The following LYPD3 variants were observed in gnomAD, a reference collection of about 807,000 sequenced individuals.
LYPD3 encodes ly6/PLAUR domain-containing protein 3.
A neutral mutation model predicts 21.7 loss-of-function variants in LYPD3; 22 were observed. The ratio of observed to expected loss-of-function variants is 1.01; its 90% CI spans 0.72 to 1.45. LYPD3 has a LOEUF of 1.45. Ranked by LOEUF, LYPD3 falls within the 40% of genes most tolerant of loss-of-function variation. LYPD3 has a pLI of 0.00. For synonymous variants in LYPD3, 179 were observed against 203.0 expected (o/e 0.88, Z 1.00); for missense variants, 471 against 466.9 (o/e 1.01, Z -0.08).
At chr19:43,462,417 T>C (rs1970783318) in intron 4 of LYPD3, among the ~76,000 whole-genome samples, 1 of 152,158 alleles carries the variant, frequency 6.6e-6, no homozygotes, top group East Asian at 1.9e-4. Context: ...ATCCCAGCAC[T>C]CTGGGAGACC....
chr19:43,461,151 A>G lies in LYPD3; in HGVS notation c.*200T>C, dbSNP rs896477772. 4 of 622,752 alleles carry G rather than the reference A, an allele frequency of 6.4e-6. No homozygotes were observed. In the African/African-American group the frequency reaches 7.4e-5, roughly 11 times the overall value. The allele number at this position is 622,752 out of a possible 1,614,324, so 38.6% of individuals were successfully genotyped here. On this transcript the variant is annotated 3_prime_UTR_variant, in exon 5 of 5. Coordinates refer to ENST00000244333, the MANE Select transcript of LYPD3 (RefSeq NM_014400.3). ...CAGGAGCTGTCCTCAAAAAGCTAGA[A>G]CACCCCTGGCAGAATATATACAACG...
Position 43,463,158 on chromosome 19 carries a change from C to A in LYPD3, c.512G>T (p.Gly171Val). Reference sequence around the variant, plus strand: ...CAAGGTGACGTTGCCGTCGAAGCAGCCCTTGTAGACATGATCGCTGGCGTT... The same window carrying A: ...CAAGGTGACGTTGCCGTCGAAGCAGACCTTGTAGACATGATCGCTGGCGTT... ...CYNASDHVYK[G>V]CFDGNVTLTA... Residue 171 changes from glycine to valine, a missense_variant, in exon 4 of 5, where the codon GGC becomes GTC. Gly to Val is a moderately radical substitution (Grantham distance 109, BLOSUM62 -3). Coordinates refer to ENST00000244333, the MANE Select transcript of LYPD3 (RefSeq NM_014400.3). The A allele has an allele frequency of 6.2e-7, 1 of 1,612,322 alleles. No homozygotes were observed. The highest frequency in any genetic ancestry group is 8.5e-7 in the Non-Finnish European group (1 of 1,180,022).
chr19:43,464,502 G>C lies in LYPD3; in HGVS notation c.80-46C>G, dbSNP rs561161919. Reference sequence around the variant, plus strand: ...AGACCTGAGCCCTCCTTGCTAAAGCGTCCACCCCCAAGGAGAAATAGTCCT... The same window carrying C: ...AGACCTGAGCCCTCCTTGCTAAAGCCTCCACCCCCAAGGAGAAATAGTCCT... On this transcript the variant is annotated intron_variant, in intron 1 of 4. Transcript: ENST00000244333. The C allele has an allele frequency of 6.8e-5, 109 of 1,611,834 alleles. 5 individuals are homozygous for C. In the South Asian group the frequency reaches 1.2e-3, roughly 17 times the overall value.
chr19:43,463,857 G>T (rs967437331), intron 2 of LYPD3, 88 bp from the exon 3 acceptor site: 13 of 1,328,706 alleles, frequency 9.8e-6, no homozygotes, highest in Non-Finnish European at 1.1e-6. Context: ...GGGAGGGGCG[G>T]GGCCTCAAAT....
At chr19:43,464,926 C>CTTTTTTTT (rs768875729) in intron 1 of LYPD3, among the ~76,000 whole-genome samples, 23 of 97,244 alleles carry the variant, frequency 2.4e-4, no homozygotes, top group South Asian at 6.9e-4. Context: ...TTCTTTTTTT[C>CTTTTTTTT]TTTTTTTCTT....
intron 1 of LYPD3, 32 bp from the exon 2 acceptor site, chr19:43,464,488 C>G: frequency 6.2e-7 from 1 of 1,613,352 alleles, no homozygotes; most frequent in South Asian, 1.1e-5. Flanking sequence ...GACCTGAGCC[C>G]TCCTTGCTAA....
rs374098928 is a variant in LYPD3 at position 43,461,651 on chromosome 19, C to T, written c.741G>A (p.Thr247=). 5.6e-6 allele frequency: 9 copies of T among 1,613,918 alleles called. No homozygotes were observed. Among genetic ancestry groups the T allele is most frequent in the African/African-American group, 1.3e-5 (1 of 74,880 alleles). The stretch of plus-strand genomic sequence containing the variant: ...TGACAGATGTGGTTGAGGCCACAGT[C>T]GTGGGCTCTGGAGGGGGCAGCCGGA... ...PLVRLPPPEP[T]TVASTTSVTT... is the part of the protein sequence containing the mutation. The change falls in exon 5 of 5, where the codon ACG becomes ACA. Residue 247 remains threonine (T), a synonymous_variant. Coordinates refer to ENST00000244333, the MANE Select transcript of LYPD3 (RefSeq NM_014400.3).
intron 1 of LYPD3, among the ~76,000 whole-genome samples, chr19:43,464,924 TTCTTTTTTTC>T: frequency 1.0e-5 from 1 of 98,132 alleles, no homozygotes; most frequent in Non-Finnish European, 1.9e-5. Context: ...TTTTCTTTTT[TTCTTTTTTTC>T]TTTTTTTTTT....
rs1287322028 is a variant in LYPD3 at position 43,463,424 on chromosome 19, A to G, written c.383-137T>C. On this transcript the variant is annotated intron_variant, in intron 3 of 4. Transcript: ENST00000244333. Reference sequence around the variant, plus strand: ...ACTAGTAGCCCCGCCCCAGCGCGCAACCTCGCGGCGCCTACAGCCAGAAAG... The same window carrying G: ...ACTAGTAGCCCCGCCCCAGCGCGCAGCCTCGCGGCGCCTACAGCCAGAAAG... 2.9e-6 allele frequency: 4 copies of G among 1,369,142 alleles called. No individual in the cohort carries two copies. In the Admixed American group the frequency reaches 7.9e-5, roughly 27 times the overall value. 84.8% of individuals were successfully genotyped at this position (1,369,142 alleles called of 1,614,324 possible). A position where few individuals can be genotyped will look rare whatever the true frequency, so the allele number is the denominator to read the frequency against.
Position 43,461,541 on chromosome 19 carries a change from A to G in LYPD3, c.851T>C (p.Val284Ala). Residue 284 changes from valine (V) to alanine (A), a missense_variant, in exon 5 of 5, where the codon GTA (valine) becomes GCA (alanine). Transcript: ENST00000244333. The stretch of plus-strand genomic sequence containing the variant: ...CTCATCCCGGGAGGCCTCGTGTTCT[A>G]CTCCCTGTCTCGGAGTCTGACTGGT... ...APTSQTPRQG[V>A]EHEASRDEEP... 6.2e-7 allele frequency: 1 copy of G among 1,611,792 alleles called. No individual in the cohort carries two copies. The highest frequency in any genetic ancestry group is 8.5e-7 in the Non-Finnish European group (1 of 1,179,310).
Position 43,465,564 on chromosome 19 carries a change from G to C in LYPD3, c.8C>G (p.Pro3Arg). ...GGCCTGGGCACCTGCTTTCCTGGCGGGGTCCATGGCTCCGTCCTGCTCCCT... is the reference window on the plus strand; with the variant it reads ...GGCCTGGGCACCTGCTTTCCTGGCGCGGTCCATGGCTCCGTCCTGCTCCCT... MD[P>R]ARKAGAQAMI... is the part of the protein sequence containing the mutation. Residue 3 changes from proline (P) to arginine (R), a missense_variant, in exon 1 of 5, where the codon CCC (proline) becomes CGC (arginine). By Grantham distance (103) the Pro-to-Arg change is moderately radical (BLOSUM62 -2). Coordinates refer to ENST00000244333, the MANE Select transcript of LYPD3 (RefSeq NM_014400.3). The C allele has an allele frequency of 1.2e-6, 2 of 1,610,112 alleles. No homozygotes were observed. Among genetic ancestry groups the C allele is most frequent in the Non-Finnish European group, 1.7e-6 (2 of 1,179,974 alleles).
chr19:43,465,422 C>A, intron 1 of LYPD3, 71 bp downstream of exon 1: 1 of 1,537,784 alleles, frequency 6.5e-7, no homozygotes. Context: ...CTTCTCTGTA[C>A]GGGGCCAGAG....
In LYPD3 at chr19:43,463,164, T is replaced by A. The variant is rs767357860; in HGVS notation, c.506A>T (p.Tyr169Phe). ...VSCYNASDHVYKGCFDGNVTL... is the reference protein window; with the variant it reads ...VSCYNASDHVFKGCFDGNVTL... ...GACGTTGCCGTCGAAGCAGCCCTTG[T>A]AGACATGATCGCTGGCGTTGTAGCA... Residue 169 changes from tyrosine (Y) to phenylalanine (F), a missense_variant, in exon 4 of 5, where the codon TAC (tyrosine) becomes TTC (phenylalanine). Coordinates refer to ENST00000244333, the MANE Select transcript of LYPD3 (RefSeq NM_014400.3). 2 of 1,612,276 alleles carry A rather than the reference T, an allele frequency of 1.2e-6. No homozygotes were observed. The highest frequency in any genetic ancestry group is 8.5e-7 in the Non-Finnish European group (1 of 1,180,028).
chr19:43,465,543 T>TGGC lies in LYPD3; in HGVS notation c.28_29insGCC (p.Ala9_Gln10insArg). The TGGC allele has an allele frequency of 6.2e-7, 1 of 1,610,716 alleles. No homozygotes were observed. The highest frequency in any genetic ancestry group is 1.1e-5 in the South Asian group (1 of 91,088). On this transcript the variant is annotated inframe_insertion, in exon 1 of 5. Coordinates refer to ENST00000244333, the MANE Select transcript of LYPD3 (RefSeq NM_014400.3). ...CCAGCCTGCAGTCCAGATCATGGCCTGGGCACCTGCTTTCCTGGCGGGGTC... is the reference window on the plus strand; with the variant it reads ...CCAGCCTGCAGTCCAGATCATGGCCTGGCGGGCACCTGCTTTCCTGGCGGGGTC...
chr19:43,464,481 C>G (rs1970805407), intron 1 of LYPD3, 25 bp from the exon 2 acceptor site: 1 of 1,613,618 alleles, frequency 6.2e-7, no homozygotes, highest in Non-Finnish European at 8.5e-7. Flanking sequence ...CCGAATAGAC[C>G]TGAGCCCTCC....
At chr19:43,464,203 C>G in intron 2 of LYPD3, 122 bp downstream of exon 2, 1 of 1,333,890 alleles carries the variant, frequency 7.5e-7, no homozygotes, top group Non-Finnish European at 1.0e-6. Flanking sequence ...CCCGGCCAGG[C>G]TGAAAGGGAG....
At position 43,465,535 on chromosome 19, in the gene LYPD3, T is replaced by C. The variant is rs1411083477; in HGVS notation, c.37A>G (p.Ile13Val). Residue 13 changes from isoleucine to valine, a missense_variant, in exon 1 of 5, where the codon ATC (isoleucine) becomes GTC (valine). Coordinates refer to ENST00000244333, the MANE Select transcript of LYPD3 (RefSeq NM_014400.3). ...PARKAGAQAM[I>V]WTAGWLLLLL... ...AGCAGCAGCCAGCCTGCAGTCCAGA[T>C]CATGGCCTGGGCACCTGCTTTCCTG... 6.2e-7 allele frequency: 1 copy of C among 1,610,542 alleles called. No homozygotes were observed. The highest frequency in any genetic ancestry group is 1.3e-5 in the African/African-American group (1 of 74,900).
intron 2 of LYPD3, chr19:43,464,004 G>C (rs1970799811): frequency 1.6e-6 from 1 of 618,668 alleles, no homozygotes; most frequent in African/African-American, 1.8e-5. Context: ...AGCTGAGTCG[G>C]AGGAGACAGC....
At chr19:43,462,120 A>G (rs1970781281) in intron 4 of LYPD3, among the ~76,000 whole-genome samples, 1 of 152,150 alleles carries the variant, frequency 6.6e-6, no homozygotes, top group Non-Finnish European at 1.5e-5. Flanking sequence ...CTCAGGTCCT[A>G]CTATGAGAAA....
Sources: allele counts gnomAD v4.1 joint callset (sites outside exome capture counted in the v4.1 genomes callset), GRCh38; gene constraint gnomAD v4.1.1; transcripts MANE v1.5; gene names NCBI Gene and HGNC (gene_info 2026-07-23, HGNC 2026-07-21).